The following ZMYND12 variants were observed in gnomAD, a reference collection of about 807,000 sequenced individuals.
ZMYND12 encodes the protein zinc finger MYND-type containing 12, also known as zinc finger MYND domain-containing protein 12.
A neutral mutation model predicts 41.7 loss-of-function variants in ZMYND12; 32 were observed. The observed-to-expected ratio is 0.77, with a 90% CI of 0.58 to 1.03. The LOEUF (loss-of-function observed/expected upper bound fraction) is 1.03, where lower values mean the gene tolerates loss of function less well. Among genes scored for constraint, ZMYND12 ranks in the 50% least tolerant of loss-of-function variants. ZMYND12 has a pLI of 0.00. For missense variants in ZMYND12, 424 were observed against 438.5 expected (o/e 0.97, Z 0.30); for synonymous variants, 148 against 164.8 (o/e 0.90, Z 0.78).
intron 3 of ZMYND12, 91 bp downstream of exon 3, chr1:42,448,376 G>T: frequency 7.4e-7 from 1 of 1,357,550 alleles, no homozygotes; most frequent in Non-Finnish European, 9.7e-7. Context: ...GTCTCTTGGT[G>T]CCACTGTCAA....
intron 4 of ZMYND12, among the ~76,000 whole-genome samples, chr1:42,437,470 G>GTGTGTGTGTGTT (rs1251810714): frequency 1.3e-5 from 2 of 151,414 alleles, no homozygotes; most frequent in Admixed American, 6.6e-5. Flanking sequence ...GTGTGTGTGT[G>GTGTGTGTGTGTT]TGTGTGTGTT....
intron 1 of ZMYND12, 76 bp from the exon 2 acceptor site, chr1:42,450,135 T>C (rs1643068572): frequency 6.5e-7 from 1 of 1,546,352 alleles, no homozygotes; most frequent in Admixed American, 1.7e-5. Context: ...CCTACTGGCC[T>C]ATCCCTAGAC....
chr1:42,455,923 C>G lies in ZMYND12; in HGVS notation c.75G>C (p.Glu25Asp). The G allele has an allele frequency of 6.2e-7, 1 of 1,613,838 alleles. No homozygotes were observed. The highest frequency in any genetic ancestry group is 8.5e-7 in the Non-Finnish European group (1 of 1,179,962). ...TGACTGTGCAGGCCGCGCACACCCG[C>G]TCGGCTGGGGCTTCGCACACCTCAC... ...LCCEVCEAPA[E>D]RVCAACTVTY... Residue 25 changes from glutamate to aspartate, a missense_variant, in exon 1 of 8, where the codon GAG becomes GAC. By Grantham distance (45) the Glu-to-Asp change is conservative (BLOSUM62 2). Coordinates refer to ENST00000372565, the MANE Select transcript of ZMYND12 (RefSeq NM_032257.5).
At chr1:42,440,171 A>G in intron 3 of ZMYND12, 146 bp from the exon 4 acceptor site, 1 of 797,922 alleles carries the variant, frequency 1.3e-6, no homozygotes, top group Non-Finnish European at 1.8e-6. Flanking sequence ...TGTTCACAGC[A>G]GCCTATTTGG....
chr1:42,433,352 G>C, intron 6 of ZMYND12, 64 bp from the exon 7 acceptor site: 1 of 1,507,894 alleles, frequency 6.6e-7, no homozygotes, highest in Non-Finnish European at 8.8e-7. Context: ...CTCATCAAAA[G>C]CACTCAGCTG....
At chr1:42,433,341 C>T (rs1642875049) in intron 6 of ZMYND12, 53 bp from the exon 7 acceptor site, 1 of 1,540,336 alleles carries the variant, frequency 6.5e-7, no homozygotes. Flanking sequence ...CTGAGTCTGC[C>T]CTCATCAAAA....
intron 1 of ZMYND12, among the ~76,000 whole-genome samples, chr1:42,452,981 C>A (rs912352287): frequency 1.3e-5 from 2 of 150,642 alleles, no homozygotes; most frequent in Non-Finnish European, 2.9e-5. Flanking sequence ...GAAAAAAATT[C>A]TTTTGCAGAA....
intron 1 of ZMYND12, among the ~76,000 whole-genome samples, chr1:42,453,427 A>G (rs945440081): frequency 2.0e-5 from 3 of 152,232 alleles, no homozygotes; most frequent in South Asian, 4.1e-4. Flanking sequence ...GCATACAATG[A>G]CAGGTCGGAC....
At chr1:42,433,051 G>A (rs1311290329) in intron 7 of ZMYND12, 92 bp downstream of exon 7, 1 of 1,526,240 alleles carries the variant, frequency 6.6e-7, no homozygotes, top group African/African-American at 1.4e-5. Context: ...GAGGGCAAAA[G>A]CTATTGGAAT....
At chr1:42,435,229 T>G in intron 6 of ZMYND12, 45 bp downstream of exon 6, 9 of 1,417,760 alleles carry the variant, frequency 6.3e-6, no homozygotes, top group Non-Finnish European at 9.0e-6. Context: ...GTGTATTGGG[T>G]GAGATGAAGT....
chr1:42,439,920 T>G lies in ZMYND12; in HGVS notation c.530A>C (p.Asn177Thr), dbSNP rs1311527242. 1.2e-6 allele frequency: 2 copies of G among 1,614,194 alleles called. No homozygotes were observed. Among genetic ancestry groups the G allele is most frequent in the Admixed American group, 1.7e-5 (1 of 60,014 alleles). ...CTTAGCTATATAGAGAAGTCCCAGA[T>G]TCCGATGCAGTAAAGAGTGGGTGGC... is the stretch of plus-strand genomic sequence containing the variant. ...SNATHSLLHR[N>T]LGLLYIAKKN... The change falls in exon 4 of 8, where the codon AAT becomes ACT. Residue 177 changes from asparagine to threonine, a missense_variant. Physicochemically the swap from Asn to Thr is moderately conservative, Grantham distance 65 (BLOSUM62 0). Transcript: ENST00000372565.
chr1:42,437,516 A>AT (rs149327912), intron 4 of ZMYND12, among the ~76,000 whole-genome samples: 53,937 of 135,894 alleles, frequency 0.4, 10,878 homozygotes, highest in East Asian at 0.64. Flanking sequence ...GCTTGTGCTA[A>AT]TTTTTTTTTT....
chr1:42,439,420 C>A (rs765092049), intron 4 of ZMYND12, among the ~76,000 whole-genome samples: 1 of 152,180 alleles, frequency 6.6e-6, no homozygotes, highest in Non-Finnish European at 1.5e-5. Flanking sequence ...CATGCACCAC[C>A]ACGCCTGGCT....
At chr1:42,444,558 A>T (rs1570352830) in intron 3 of ZMYND12, among the ~76,000 whole-genome samples, 1 of 152,304 alleles carries the variant, frequency 6.6e-6, no homozygotes, top group Non-Finnish European at 1.5e-5. Flanking sequence ...CTGTGAAGAC[A>T]ACTCAGATTC....
chr1:42,448,236 C>G (rs186460008), intron 3 of ZMYND12, among the ~76,000 whole-genome samples: 1 of 152,316 alleles, frequency 6.6e-6, no homozygotes, highest in East Asian at 1.9e-4. Context: ...ACTACAGCAC[C>G]CGCACAAAGT....
chr1:42,441,574 TTTC>T lies in ZMYND12; in HGVS notation c.425-1552_425-1550del, dbSNP rs535050801. Among the ~76,000 whole-genome samples the T allele has an allele frequency of 2.0e-4, 31 of 152,290 alleles. No individual in the cohort carries two copies. The South Asian group carries it at 6.0e-3, about 30-fold the overall frequency. On this transcript the variant is annotated intron_variant, in intron 3 of 7. Coordinates refer to ENST00000372565, the MANE Select transcript of ZMYND12 (RefSeq NM_032257.5). ...ATTTTTGTCTTTTTTGTTTACATTT[TTTC>T]TTTTTTTGTTTATAAGCCCACAAGT...
chr1:42,449,400 T>C (rs1570355769), intron 2 of ZMYND12, among the ~76,000 whole-genome samples: 2 of 152,206 alleles, frequency 1.3e-5, no homozygotes, highest in African/African-American at 4.8e-5. Flanking sequence ...GTCTGTCACA[T>C]GACTATAATT....
intron 1 of ZMYND12, among the ~76,000 whole-genome samples, chr1:42,455,336 G>T (rs1320068164): frequency 6.6e-6 from 1 of 152,156 alleles, no homozygotes. Context: ...GCAGTGGCGC[G>T]ATCTCCGCTC....
At chr1:42,455,839 G>T (rs545419941) in intron 1 of ZMYND12, 49 bp downstream of exon 1, 12 of 1,421,652 alleles carry the variant, frequency 8.4e-6, no homozygotes, top group Admixed American at 1.9e-5. Context: ...CCGGGAAAGG[G>T]AGAGAGGGAG....
Sources: allele counts gnomAD v4.1 joint callset (sites outside exome capture counted in the v4.1 genomes callset), GRCh38; gene constraint gnomAD v4.1.1; transcripts MANE v1.5; gene names NCBI Gene and HGNC (gene_info 2026-07-23, HGNC 2026-07-21).